HEATR5A: variants seen among roughly 807,000 people sequenced by gnomAD.
The protein encoded by HEATR5A is HEAT repeat containing 5A.
In HEATR5A, 178 loss-of-function variants were observed where a neutral mutation model predicts 218.8. That is an observed-to-expected ratio of 0.81 (90% CI 0.72 to 0.92). The LOEUF is 0.92. HEATR5A is among the 40% of genes least tolerant of loss of function. HEATR5A has a pLI of 0.00. For missense variants in HEATR5A, 2,420 were observed against 2,418.9 expected, an observed-to-expected ratio of 1.00 and a Z score of -0.01; for synonymous variants, 864 against 871.6, an observed-to-expected ratio of 0.99 and a Z score of 0.15.
Position 31,304,910 on chromosome 14 carries a change from G to A in HEATR5A, c.5234C>T (p.Pro1745Leu). Reference sequence around the variant, plus strand: ...AATCACATACCACAGCATACCTTCAGGAGAGCACACTGCAGGAAGTTCGGA... The same window carrying A: ...AATCACATACCACAGCATACCTTCAAGAGAGCACACTGCAGGAAGTTCGGA... ...ILSELPAVCS[P>L]EGSISILPTI... The change falls in exon 32 of 36, where the codon CCT becomes CTT. Residue 1745 changes from proline to leucine, a missense_variant. Physicochemically the swap from Pro to Leu is moderately conservative, Grantham distance 98. Transcript: ENST00000543095. 1 of 1,613,854 alleles carries A rather than the reference G, an allele frequency of 6.2e-7. No individual in the cohort carries two copies. Among genetic ancestry groups the A allele is most frequent in the Non-Finnish European group, 8.5e-7 (1 of 1,179,850 alleles).
intron 1 of HEATR5A, among the ~76,000 whole-genome samples, chr14:31,412,876 A>G (rs2031325865): frequency 6.6e-6 from 1 of 152,206 alleles, no homozygotes; most frequent in East Asian, 1.9e-4. Flanking sequence ...CTCCATCTCA[A>G]AAAAAATTTG....
rs765400074 is a variant in HEATR5A, at chr14:31,387,183, T to C, written c.1126A>G (p.Lys376Glu). The change falls in exon 8 of 36, where the codon AAG becomes GAG. Residue 376 changes from lysine (K) to glutamate (E), a missense_variant. Lys to Glu is a moderately conservative substitution (Grantham distance 56). Transcript: ENST00000543095. ...RTTIGGLLGE[K>E]AQLAAVKDIC... is the part of the protein sequence containing the mutation. ...TCCTTTACAGCAGCAAGCTGAGCCT[T>C]TTCTCCAAGAAGACCACCTATAGTA... 2.0e-5 allele frequency: 32 copies of C among 1,613,748 alleles called. No homozygotes were observed. Among genetic ancestry groups the C allele is most frequent in the Admixed American group, 3.3e-5 (2 of 59,986 alleles).
chr14:31,347,769 G>A lies in HEATR5A; in HGVS notation c.2847C>T (p.Asp949=), dbSNP rs1901070458. 4.4e-6 allele frequency: 7 copies of A among 1,606,928 alleles called. No homozygotes were observed. The highest frequency in any genetic ancestry group is 5.9e-6 in the Non-Finnish European group (7 of 1,177,474). ...CIGILYTLAQ[D]STSPDVQTWA... Reference sequence around the variant, plus strand: ...CCACCTGCACATCAGGAGAAGTGCTGTCCTGCGCCAAAGTATAAAGGATTC... The same window carrying A: ...CCACCTGCACATCAGGAGAAGTGCTATCCTGCGCCAAAGTATAAAGGATTC... The change falls in exon 19 of 36, where the codon GAC becomes GAT. Residue 949 remains aspartate, a synonymous_variant. Transcript: ENST00000543095.
At position 31,299,192 on chromosome 14, in the gene HEATR5A, G is replaced by A. The variant is rs552190497; in HGVS notation, c.5464+3103C>T. Among the ~76,000 whole-genome samples the A allele has an allele frequency of 6.6e-5, 10 of 152,172 alleles. 1 individual carries two copies. The highest frequency in any genetic ancestry group is 2.0e-4 in the Admixed American group (3 of 15,264). ...ACTACTTTTGAAATAACCCTCACTTGGTTATTTCTGTTAATCACATTCGAG... is the reference window on the plus strand; with the variant it reads ...ACTACTTTTGAAATAACCCTCACTTAGTTATTTCTGTTAATCACATTCGAG... On this transcript the variant is annotated intron_variant, in intron 33 of 35. Transcript: ENST00000543095.
chr14:31,310,062 T>C (rs921022627), intron 28 of HEATR5A, among the ~76,000 whole-genome samples: 2 of 152,180 alleles, frequency 1.3e-5, no homozygotes, highest in African/African-American at 4.8e-5. Flanking sequence ...CCTCCTTCCA[T>C]GACTACTTTC....
At chr14:31,407,012 G>T (rs994504260) in intron 1 of HEATR5A, among the ~76,000 whole-genome samples, 10 of 145,686 alleles carry the variant, frequency 6.9e-5, no homozygotes, top group Admixed American at 1.4e-4. Context: ...AAGTAGGGCC[G>T]GGCACAGTGG....
intron 1 of HEATR5A, among the ~76,000 whole-genome samples, chr14:31,408,582 G>GA (rs201083435): frequency 0.011 from 1,656 of 151,446 alleles, 27 homozygotes; most frequent in African/African-American, 0.037. Context: ...TTTTATAGGT[G>GA]AAAAAAAAGG....
chr14:31,318,265 T>G lies in HEATR5A; in HGVS notation c.3997A>C (p.Thr1333Pro), dbSNP rs1388914268. 3 of 1,613,928 alleles carry G rather than the reference T, an allele frequency of 1.9e-6. No individual in the cohort carries two copies. Among genetic ancestry groups the G allele is most frequent in the Non-Finnish European group, 2.5e-6 (3 of 1,179,818 alleles). ...GTGACATCAGGTGGTGTCTCTGAAG[T>G]GAAGGCTGGTCTAAGCGCTGCTCCT... ...NVGAALRPAF[T>P]SETPPDVTAK... The change falls in exon 26 of 36, where the codon ACT becomes CCT. Residue 1333 changes from threonine to proline, a missense_variant. By Grantham distance (38) the Thr-to-Pro change is conservative. Transcript: ENST00000543095.
At chr14:31,346,850 G>A (rs1901039192) in intron 19 of HEATR5A, among the ~76,000 whole-genome samples, 1 of 152,208 alleles carries the variant, frequency 6.6e-6, no homozygotes, top group Non-Finnish European at 1.5e-5. Flanking sequence ...GACGACAGAA[G>A]GGGAGTAAAA....
intron 25 of HEATR5A, among the ~76,000 whole-genome samples, chr14:31,319,529 C>T (rs577501537): frequency 2.0e-5 from 3 of 152,250 alleles, no homozygotes; most frequent in East Asian, 1.9e-4. Flanking sequence ...ATTAGCTGAA[C>T]GAAGTCATGA....
Position 31,350,629 on chromosome 14 carries a change from C to T in HEATR5A, c.2500G>A (p.Val834Ile). 1.3e-6 allele frequency: 2 copies of T among 1,581,622 alleles called. No individual in the cohort carries two copies. Among genetic ancestry groups the T allele is most frequent in the African/African-American group, 1.3e-5 (1 of 74,358 alleles). The change falls in exon 17 of 36, where the codon GTT becomes ATT. Residue 834 changes from valine to isoleucine, a missense_variant. Coordinates refer to ENST00000543095, the MANE Select transcript of HEATR5A (RefSeq NM_015473.4). Reference protein sequence around the residue: ...QVVQLHVVSSVSSFLKYVAGS... With the variant: ...QVVQLHVVSSISSFLKYVAGS... ...ATAATTACCTTCAAGAAACTAGAAACTGAAGAAACAACATGTAACTGAACC... is the reference window on the plus strand; with the variant it reads ...ATAATTACCTTCAAGAAACTAGAAATTGAAGAAACAACATGTAACTGAACC...
chr14:31,336,183 T>A (rs113200716), intron 22 of HEATR5A, among the ~76,000 whole-genome samples: 1 of 140,066 alleles, frequency 7.1e-6, no homozygotes. Context: ...CATGCCATAT[T>A]GCGCAGGGGG....
chr14:31,354,727 T>C (rs1297504277), intron 16 of HEATR5A, among the ~76,000 whole-genome samples: 1 of 152,166 alleles, frequency 6.6e-6, no homozygotes, highest in East Asian at 1.9e-4. Context: ...TTATTTTACA[T>C]TATACATTTT....
Position 31,373,912 on chromosome 14 carries a change from G to A in HEATR5A, c.1861+904C>T, listed in dbSNP as rs140320712. Among the ~76,000 whole-genome samples, 729 of 152,150 alleles carry A rather than the reference G, an allele frequency of 4.8e-3. 6 individuals are homozygous for A. Among genetic ancestry groups the A allele is most frequent in the Middle Eastern group, 0.02 (6 of 294 alleles). ...TTATGATGATCTACTTCTGTGTAAT[G>A]AATAGTAAATATATTTTCTCTTCCT... On this transcript the variant is annotated intron_variant, in intron 12 of 35. Transcript: ENST00000543095.
intron 12 of HEATR5A, among the ~76,000 whole-genome samples, chr14:31,373,271 C>A (rs546893087): frequency 7.2e-4 from 109 of 152,014 alleles, no homozygotes; most frequent in Admixed American, 3.9e-3. Flanking sequence ...ATAAACAAAA[C>A]CAAAATCAAT....
At chr14:31,396,185 T>C (rs1331815232) in intron 4 of HEATR5A, among the ~76,000 whole-genome samples, 1 of 152,092 alleles carries the variant, frequency 6.6e-6, no homozygotes, top group African/African-American at 2.4e-5. Flanking sequence ...GGTGAAACCT[T>C]AACTCTACAA....
chr14:31,397,368 C>T (rs544786261), intron 4 of HEATR5A, among the ~76,000 whole-genome samples: 36 of 151,606 alleles, frequency 2.4e-4, no homozygotes, highest in African/African-American at 8.2e-4. Flanking sequence ...TTAAGAGACA[C>T]GGTCTTGGGC....
intron 1 of HEATR5A, among the ~76,000 whole-genome samples, chr14:31,408,886 T>C (rs1306866783): frequency 7.5e-6 from 1 of 134,206 alleles, no homozygotes; most frequent in African/African-American, 2.8e-5. Flanking sequence ...GGTCAGGAGA[T>C]CGAGACCATC....
chr14:31,324,907 TAGTC>T (rs1900216915), intron 23 of HEATR5A, among the ~76,000 whole-genome samples: 1 of 152,134 alleles, frequency 6.6e-6, no homozygotes, highest in South Asian at 2.1e-4. Flanking sequence ...AGAATCAAGA[TAGTC>T]AGAGCAGAGA....
Sources: allele counts gnomAD v4.1 joint callset (sites outside exome capture counted in the v4.1 genomes callset), GRCh38; gene constraint gnomAD v4.1.1; transcripts MANE v1.5; gene names NCBI Gene and HGNC (gene_info 2026-07-23, HGNC 2026-07-21).